Variants in ZNF536 observed in about 807,000 individuals in gnomAD.
The protein encoded by ZNF536 is zinc finger protein 536.
A neutral mutation model predicts 84.5 loss-of-function variants in ZNF536; 13 were observed. That is an observed-to-expected ratio of 0.15 (90% CI 0.10 to 0.24). The LOEUF is 0.24. Among genes scored for constraint, ZNF536 ranks in the 10% least tolerant of loss-of-function variants. The probability of loss-of-function intolerance (pLI) is 1.00; values close to 1 mark genes in which losing one functional copy is unlikely to be tolerated. For synonymous variants in ZNF536, 811 were observed against 742.5 expected (o/e 1.09, Z -1.50); for missense variants, 1,536 against 1,747.5 (o/e 0.88, Z 2.16).
chr19:30,522,255 A>ATATATATATATATATATATGTGTG (rs1568512121), intron 2 of ZNF536, among the ~76,000 whole-genome samples: 1 of 133,368 alleles, frequency 7.5e-6, no homozygotes, highest in African/African-American at 2.7e-5. Context: ...AGAGCTGGAT[A>ATATATATATATATATATATGTGTG]TATATACATA....
In ZNF536 at chr19:30,445,882, T is replaced by G; in HGVS notation, c.2170+150T>G. ...GTTGGACACTGGGCCATGCCTTTCT[T>G]TCCCCCCCTGACTGGAGGGAAAGGG... On this transcript the variant is annotated intron_variant, in intron 2 of 4. Coordinates refer to ENST00000355537, the MANE Select transcript of ZNF536 (RefSeq NM_014717.3). The surrounding 1 kb of genome is among the most constrained non-coding windows in gnomAD (Gnocchi z 4.5). 3 of 1,119,274 alleles carry G rather than the reference T, an allele frequency of 2.7e-6. No homozygotes were observed. The highest frequency in any genetic ancestry group is 3.8e-5 in the South Asian group (2 of 52,398). 69.3% of individuals were successfully genotyped at this position (1,119,274 alleles called of 1,614,324 possible). A position where few individuals can be genotyped will look rare whatever the true frequency, so the allele number is the denominator to read the frequency against.
chr19:30,564,768 C>T lies in ZNF536; in HGVS notation c.169+15254C>T, dbSNP rs573928593. Reference sequence around the variant, plus strand: ...TTGTTTGCACTGAGACAGATGTTGTCTGTGGGAACTTTGTGTTTTATGCTC... The same window carrying T: ...TTGTTTGCACTGAGACAGATGTTGTTTGTGGGAACTTTGTGTTTTATGCTC... On this transcript the variant is annotated intron_variant, in intron 1 of 1. Transcript: ENST00000592773. 1.9e-4 allele frequency among the ~76,000 whole-genome samples: 29 copies of T among 152,336 alleles called. 1 individual carries two copies. In the South Asian group the frequency reaches 6.0e-3, roughly 32 times the overall value.
intron 1 of ZNF536, among the ~76,000 whole-genome samples, chr19:30,382,450 A>G (rs1568375156): frequency 6.6e-6 from 1 of 152,232 alleles, no homozygotes; most frequent in Non-Finnish European, 1.5e-5. Flanking sequence ...AAATTCAATA[A>G]TGGTATTTAC....
intron 1 of ZNF536, among the ~76,000 whole-genome samples, chr19:30,606,555 C>T (rs2047899783): frequency 6.6e-6 from 1 of 152,128 alleles, no homozygotes; most frequent in Admixed American, 6.5e-5. Context: ...GTTGGGAGGC[C>T]ACTTCACCAG....
chr19:30,402,822 T>TATATATATATATATATATATATATAA (rs1331644147), intron 1 of ZNF536, among the ~76,000 whole-genome samples: 8 of 142,554 alleles, frequency 5.6e-5, no homozygotes, highest in Non-Finnish European at 9.3e-5. Context: ...TATATATATA[T>TATATATATATATATATATATATATAA]AATTTTCAAA....
At chr19:30,338,066 GATA>G (rs1600278920) in intron 2 of ZNF536, among the ~76,000 whole-genome samples, 2 of 151,274 alleles carry the variant, frequency 1.3e-5, no homozygotes, top group South Asian at 2.1e-4. Context: ...TGATGGTGAT[GATA>G]ATGATGATAT....
chr19:30,422,373 AC>A (rs1263409986), intron 1 of ZNF536, among the ~76,000 whole-genome samples: 1 of 152,170 alleles, frequency 6.6e-6, no homozygotes, highest in East Asian at 1.9e-4. Context: ...TCTAGAAAGG[AC>A]TAAAGATATC....
rs147608242 is a variant in ZNF536, at chr19:30,393,665, G to A, written c.-3+21109G>A. Reference sequence around the variant, plus strand: ...AAGAGCGTTCCAGGCAGAGGGAACAGCAAGTGCACAGACCCTGTGGCAGAT... The same window carrying A: ...AAGAGCGTTCCAGGCAGAGGGAACAACAAGTGCACAGACCCTGTGGCAGAT... On this transcript the variant is annotated intron_variant, in intron 1 of 4. Transcript: ENST00000355537. Among the ~76,000 whole-genome samples the A allele has an allele frequency of 3.1e-3, 476 of 152,214 alleles. 2 individuals carry two copies. The highest frequency in any genetic ancestry group is 4.9e-3 in the Non-Finnish European group (336 of 68,018).
intron 1 of ZNF536, among the ~76,000 whole-genome samples, chr19:30,230,814 C>T (rs1480107429): frequency 6.6e-6 from 1 of 152,192 alleles, no homozygotes; most frequent in Admixed American, 6.5e-5. Flanking sequence ...GCAAGAGAAG[C>T]TTATCTCTGG....
rs1490552350 is a variant in ZNF536 at position 30,572,942 on chromosome 19, A to G, written c.169+23428A>G. 2.6e-5 allele frequency among the ~76,000 whole-genome samples: 4 copies of G among 152,208 alleles called. No individual in the cohort carries two copies. In the East Asian group the frequency reaches 7.7e-4, roughly 29 times the overall value. On this transcript the variant is annotated intron_variant, in intron 1 of 1. Coordinates refer to the ZNF536 transcript ENST00000592773. ...CAAATTCACCTGGAAAACGTGGCCC[A>G]ACCCTTAGACATGTGAGTTAAGCCA...
intron 1 of ZNF536, among the ~76,000 whole-genome samples, chr19:30,385,909 G>A (rs1353688971): frequency 2.0e-5 from 3 of 152,184 alleles, no homozygotes; most frequent in Non-Finnish European, 1.5e-5. Context: ...GGGACCCCAT[G>A]GAGTTATCTG....
chr19:30,629,455 C>A (rs1468933293), intron 1 of ZNF536, among the ~76,000 whole-genome samples: 1 of 152,212 alleles, frequency 6.6e-6, no homozygotes, highest in African/African-American at 2.4e-5. Flanking sequence ...CTCGGCCTCC[C>A]AAATTGCTGG....
At chr19:30,573,864 T>C (rs1019952592) in intron 1 of ZNF536, among the ~76,000 whole-genome samples, 1 of 152,084 alleles carries the variant, frequency 6.6e-6, no homozygotes, top group African/African-American at 2.4e-5. Flanking sequence ...CCAGCAGGGG[T>C]TCAGCCCCTC....
At chr19:30,668,420 T>A (rs1373009747) in intron 1 of ZNF536, among the ~76,000 whole-genome samples, 1 of 152,126 alleles carries the variant, frequency 6.6e-6, no homozygotes, top group Non-Finnish European at 1.5e-5. Context: ...TGCTTCCTGG[T>A]GTGTCTGAGT....
rs556060568 is a variant in ZNF536 at position 30,447,006 on chromosome 19, G to C, written c.2170+1274G>C. On this transcript the variant is annotated intron_variant, in intron 2 of 4. Transcript: ENST00000355537. ...TCGCTAATACTGTAATCATTCTGCAGCCTAACAACAGAGGAAATCATGCCA... is the reference window on the plus strand; with the variant it reads ...TCGCTAATACTGTAATCATTCTGCACCCTAACAACAGAGGAAATCATGCCA... 2.6e-5 allele frequency among the ~76,000 whole-genome samples: 4 copies of C among 152,286 alleles called. 1 individual carries two copies. Among genetic ancestry groups the C allele is most frequent in the African/African-American group, 9.6e-5 (4 of 41,554 alleles).
intron 1 of ZNF536, among the ~76,000 whole-genome samples, chr19:30,429,564 T>C (rs1417656264): frequency 6.6e-6 from 1 of 152,180 alleles, no homozygotes; most frequent in African/African-American, 2.4e-5. Context: ...AACAAGATTG[T>C]TGTTCTCAAA....
At chr19:30,369,045 C>G (rs114998003), upstream of ZNF536, among the ~76,000 whole-genome samples, 1,892 of 152,262 alleles carry the variant, frequency 0.012, 47 homozygotes, top group African/African-American at 0.044. Flanking sequence ...GTTACCAACT[C>G]GTCTCCCTCC....
chr19:30,403,961 A>G (rs914875515), intron 1 of ZNF536, among the ~76,000 whole-genome samples: 2 of 151,372 alleles, frequency 1.3e-5, no homozygotes, highest in African/African-American at 2.4e-5. Flanking sequence ...GGGTGGATTC[A>G]GGCAATTTAA....
At chr19:30,273,039 A>G (rs946288083) in intron 1 of ZNF536, among the ~76,000 whole-genome samples, 38 of 152,110 alleles carry the variant, frequency 2.5e-4, no homozygotes, top group Admixed American at 6.6e-5. Context: ...CAGCATCTTG[A>G]CTGCAGGTAT....
Sources: gnomAD v4.1 joint callset for allele counts (sites outside exome capture counted in the v4.1 genomes callset) on GRCh38, gnomAD v4.1.1 for gene constraint, Gnocchi (gnomAD v3.1) non-coding constraint, MANE v1.5 for transcripts, NCBI Gene and HGNC (gene_info 2026-07-23, HGNC 2026-07-21) for gene names.